NAALADL1: variants seen among roughly 807,000 people sequenced by gnomAD.
The protein encoded by NAALADL1 is aminopeptidase NAALADL1.
Under a neutral mutation model 82.8 loss-of-function variants are expected in NAALADL1, and 77 were observed. The ratio of observed to expected loss-of-function variants is 0.93; its 90% CI spans 0.77 to 1.12. NAALADL1 has a LOEUF of 1.12. Among genes scored for constraint, NAALADL1 ranks in the 50% most tolerant of loss-of-function variants. The pLI is 0.00. For synonymous variants in NAALADL1, 358 were observed against 399.2 expected, an observed-to-expected ratio of 0.90 and a Z score of 1.23; for missense variants, 956 against 964.0, an observed-to-expected ratio of 0.99 and a Z score of 0.11.
upstream of NAALADL1, among the ~76,000 whole-genome samples, chr11:65,059,575 A>G (rs1318251103): frequency 2.0e-5 from 3 of 152,176 alleles, no homozygotes; most frequent in African/African-American, 7.2e-5. Flanking sequence ...CTCCCTGGCG[A>G]GGTGACTTCC....
chr11:65,058,522 C>A lies in NAALADL1; in HGVS notation c.-1G>T, dbSNP rs1326530741. On this transcript the variant is annotated 5_prime_UTR_variant, in exon 1 of 18. Transcript: ENST00000358658. ...GCCCCAACACCTTCGTCCACTGCATCCTGCGGACTCTTGGCCAGCTGGGGT... is the reference window on the plus strand; with the variant it reads ...GCCCCAACACCTTCGTCCACTGCATACTGCGGACTCTTGGCCAGCTGGGGT... The A allele has an allele frequency of 1.9e-6, 3 of 1,586,160 alleles. No homozygotes were observed. Among genetic ancestry groups the A allele is most frequent in the Non-Finnish European group, 2.6e-6 (3 of 1,166,996 alleles).
intron 13 of NAALADL1, among the ~76,000 whole-genome samples, chr11:65,046,755 C>T (rs186872038): frequency 7.2e-5 from 11 of 152,314 alleles, no homozygotes; most frequent in African/African-American, 2.6e-4. Context: ...TTTCCAGTTT[C>T]ACAGAAAGGA....
Position 65,048,574 on chromosome 11 carries a change from C to T in NAALADL1, c.1199-189G>A, listed in dbSNP as rs945301553. 8 of 623,834 alleles carry T rather than the reference C, an allele frequency of 1.3e-5. No individual in the cohort carries two copies. In the African/African-American group the frequency reaches 1.5e-4, roughly 11 times the overall value. The allele number at this position is 623,834 out of a possible 1,614,324, so 38.6% of individuals were successfully genotyped here. A position where few individuals can be genotyped will look rare whatever the true frequency, so the allele number is the denominator to read the frequency against. Reference sequence around the variant, plus strand: ...CCAAACACTGACCCCAACTCCAAGCCCCCTGAAGGGTCGGGTGGTCCCTTC... The same window carrying T: ...CCAAACACTGACCCCAACTCCAAGCTCCCTGAAGGGTCGGGTGGTCCCTTC... On this transcript the variant is annotated intron_variant, in intron 8 of 17. Coordinates refer to ENST00000358658, the MANE Select transcript of NAALADL1 (RefSeq NM_005468.3).
Position 65,049,083 on chromosome 11 carries a change from C to T in NAALADL1, c.1199-698G>A, listed in dbSNP as rs529236331. Among the ~76,000 whole-genome samples, 41 of 152,226 alleles carry T rather than the reference C, an allele frequency of 2.7e-4. No homozygotes were observed. In the South Asian group the frequency reaches 8.1e-3, roughly 30 times the overall value. On this transcript the variant is annotated intron_variant, in intron 8 of 17. Transcript: ENST00000358658. ...TGGCCCAGGTTGGAGTGCAGTGGTGCGATCTCGGCTCCCCACACCCTCAAC... is the reference window on the plus strand; with the variant it reads ...TGGCCCAGGTTGGAGTGCAGTGGTGTGATCTCGGCTCCCCACACCCTCAAC...
chr11:65,051,327 T>C lies in NAALADL1; in HGVS notation c.1198+1891A>G, dbSNP rs1239531853. Among the ~76,000 whole-genome samples the C allele has an allele frequency of 1.7e-4, 8 of 47,840 alleles. No individual in the cohort carries two copies. The South Asian group carries it at 2.4e-3, about 14-fold the overall frequency. 31.4% of individuals were successfully genotyped at this position (47,840 alleles called of 152,430 possible). ...CCTTTCTTTCTTTCTTTTTTTTTTT[T>C]TTTTTTTTTTTTTTTTTTTTTTTTT... On this transcript the variant is annotated intron_variant, in intron 8 of 17. Coordinates refer to ENST00000358658, the MANE Select transcript of NAALADL1 (RefSeq NM_005468.3).
chr11:65,053,370 G>T lies in NAALADL1; in HGVS notation c.1079-33C>A. 6.2e-7 allele frequency: 1 copy of T among 1,607,224 alleles called. No individual in the cohort carries two copies. On this transcript the variant is annotated intron_variant, in intron 7 of 17. Coordinates refer to ENST00000358658, the MANE Select transcript of NAALADL1 (RefSeq NM_005468.3). The surrounding 1 kb of genome is among the most constrained non-coding windows in gnomAD (Gnocchi z 4.3). ...GAGGAAAAGGGGCAGAGAACCAGAG[G>T]AGAGGGAGAGGTGGGCAGGGGGAGC...
At chr11:65,055,044 CA>C (rs1947001368) in intron 4 of NAALADL1, among the ~76,000 whole-genome samples, 1 of 152,172 alleles carries the variant, frequency 6.6e-6, no homozygotes, top group African/African-American at 2.4e-5. Flanking sequence ...CCTCAACGGC[CA>C]AAAGGAGGAA....
At chr11:65,057,625 C>T in intron 3 of NAALADL1, 132 bp from the exon 4 acceptor site, 1 of 1,340,240 alleles carries the variant, frequency 7.5e-7, no homozygotes. Flanking sequence ...CTTGTAAGCT[C>T]CCCAAGAACA....
chr11:65,059,757 C>T (rs566072335), upstream of NAALADL1, among the ~76,000 whole-genome samples: 1 of 152,340 alleles, frequency 6.6e-6, no homozygotes, highest in African/African-American at 2.4e-5. Flanking sequence ...GCAGGCGAGG[C>T]AGACAGGCTT....
chr11:65,047,648 T>TGGG lies in NAALADL1; in HGVS notation c.1504_1506dup (p.Pro502dup). On this transcript the variant is annotated inframe_insertion and splice_region_variant, in exon 12 of 18. Transcript: ENST00000358658. ...GCCCCCTTCTGTCCCTGGGCTTACC[T>TGGG]GGGGACCAGGCCGTACACCGGGCTG... The TGGG allele has an allele frequency of 6.2e-7, 1 of 1,603,378 alleles. No homozygotes were observed. The highest frequency in any genetic ancestry group is 8.5e-7 in the Non-Finnish European group (1 of 1,176,072).
chr11:65,058,005 G>A lies in NAALADL1; in HGVS notation c.359-9C>T. The A allele has an allele frequency of 6.2e-7, 1 of 1,614,164 alleles. No individual in the cohort carries two copies. The highest frequency in any genetic ancestry group is 1.7e-5 in the Admixed American group (1 of 60,028). On this transcript the variant is annotated splice_polypyrimidine_tract_variant and intron_variant, in intron 2 of 17. Coordinates refer to ENST00000358658, the MANE Select transcript of NAALADL1 (RefSeq NM_005468.3). ...GCCCCCAGTGGGGCCCACTGTTGGA[G>A]GGGTGGCAGTATCATGGCTGGGCCC... is the stretch of plus-strand genomic sequence containing the variant.
chr11:65,047,687 A>G lies in NAALADL1; in HGVS notation c.1468T>C (p.Tyr490His). 1 of 1,608,198 alleles carries G rather than the reference A, an allele frequency of 6.2e-7. No homozygotes were observed. Among genetic ancestry groups the G allele is most frequent in the Non-Finnish European group, 8.5e-7 (1 of 1,178,192 alleles). ...TACACCGGGCTGCTGCGGTTGAAGT[A>G]CCGGATCCAGTTGTCGTAGATGCTC... is the stretch of plus-strand genomic sequence containing the variant. ...DLSIYDNWIR[Y>H]FNRSSPVYGL... The change falls in exon 12 of 18, where the codon TAC becomes CAC. Residue 490 changes from tyrosine to histidine, a missense_variant. Transcript: ENST00000358658.
At position 65,051,332 on chromosome 11, in the gene NAALADL1, T is replaced by C. The variant is rs1478833448; in HGVS notation, c.1198+1886A>G. Among the ~76,000 whole-genome samples, 17 of 65,700 alleles carry C rather than the reference T, an allele frequency of 2.6e-4. 1 individual carries two copies. The East Asian group carries it at 3.5e-3, about 14-fold the overall frequency. The allele number at this position is 65,700 out of a possible 152,430, so 43.1% of individuals were successfully genotyped here. ...CTTTCTTTCTTTTTTTTTTTTTTTT[T>C]TTTTTTTTTTTTTTTTTTTTTTGAG... On this transcript the variant is annotated intron_variant, in intron 8 of 17. Transcript: ENST00000358658.
chr11:65,050,819 AAAAC>A (rs1946867124), intron 8 of NAALADL1, among the ~76,000 whole-genome samples: 1 of 152,078 alleles, frequency 6.6e-6, no homozygotes, highest in Non-Finnish European at 1.5e-5. Context: ...ACTTCAGACA[AAAAC>A]ATATATAGTT....
chr11:65,053,680 C>T lies in NAALADL1; in HGVS notation c.993-104G>A, dbSNP rs928168071. 85 of 1,017,930 alleles carry T rather than the reference C, an allele frequency of 8.4e-5. 1 individual carries two copies. The African/African-American group carries it at 1.2e-3, about 15-fold the overall frequency. The allele number at this position is 1,017,930 out of a possible 1,614,324, so 63.1% of individuals were successfully genotyped here. ...GGAGCTGGAAAGTGACGTGGCAAGGCCATTCATTGGCCCCGAAGTACCAAG... is the reference window on the plus strand; with the variant it reads ...GGAGCTGGAAAGTGACGTGGCAAGGTCATTCATTGGCCCCGAAGTACCAAG... On this transcript the variant is annotated intron_variant, in intron 6 of 17. Transcript: ENST00000358658. The surrounding 1 kb of genome is among the most constrained non-coding windows in gnomAD (Gnocchi z 4.3).
chr11:65,050,694 G>T (rs1187418510), intron 8 of NAALADL1, among the ~76,000 whole-genome samples: 1 of 151,978 alleles, frequency 6.6e-6, no homozygotes, highest in Non-Finnish European at 1.5e-5. Flanking sequence ...GGAGGCTGAG[G>T]CAGGAGAATG....
rs1437101227 is a variant in NAALADL1 at position 65,054,588 on chromosome 11, A to G, written c.754T>C (p.Tyr252His). Residue 252 changes from tyrosine (Y) to histidine (H), a missense_variant, in exon 5 of 18, where the codon TAT becomes CAT. Transcript: ENST00000358658. The surrounding 1 kb of genome is among the most constrained non-coding windows in gnomAD (Gnocchi z 4.3). The stretch of plus-strand genomic sequence containing the variant: ...TAGGGAGTCAGAGGGTCCCCAAAAT[A>G]CTCGTAGTAGGAGCCTCGCTCCACT... ...SGVERGSYYEYFGDPLTPYLP... is the reference protein window; with the variant it reads ...SGVERGSYYEHFGDPLTPYLP... 2 of 1,613,458 alleles carry G rather than the reference A, an allele frequency of 1.2e-6. No homozygotes were observed. Among genetic ancestry groups the G allele is most frequent in the South Asian group, 2.2e-5 (2 of 91,032 alleles).
intron 13 of NAALADL1, among the ~76,000 whole-genome samples, chr11:65,047,199 A>G (rs1946752860): frequency 6.6e-6 from 1 of 152,186 alleles, no homozygotes. Flanking sequence ...GCCGGGCACC[A>G]AGGCTCACAC....
In NAALADL1 at chr11:65,057,388, C is replaced by A; in HGVS notation, c.586G>T (p.Val196Leu). Residue 196 changes from valine to leucine, a missense_variant, in exon 4 of 18, where the codon GTA becomes TTA. Physicochemically the swap from Val to Leu is conservative, Grantham distance 32 (BLOSUM62 1). Transcript: ENST00000358658. ...CCACTCACCTTGGCCCCACGCCCTA[C>A]ACCCCCATATCGAGTCAGGGCAATG... is the stretch of plus-strand genomic sequence containing the variant. The part of the protein sequence containing the change: ...GTIALTRYGG[V>L]GRGAKAVNAA... The A allele has an allele frequency of 6.2e-7, 1 of 1,613,548 alleles. No homozygotes were observed. Among genetic ancestry groups the A allele is most frequent in the Non-Finnish European group, 8.5e-7 (1 of 1,179,696 alleles).
Sources: allele counts gnomAD v4.1 joint callset (sites outside exome capture counted in the v4.1 genomes callset), GRCh38; gene constraint gnomAD v4.1.1; non-coding constraint Gnocchi (gnomAD v3.1); transcripts MANE v1.5; gene names NCBI Gene and HGNC (gene_info 2026-07-23, HGNC 2026-07-21).